The following TFCP2L1 variants were observed in gnomAD, a reference collection of about 807,000 sequenced individuals.
TFCP2L1 encodes the protein transcription factor CP2 like 1, also known as transcription factor CP2-like protein 1.
In TFCP2L1, 12 loss-of-function variants were observed where a neutral mutation model predicts 72.2. The ratio of observed to expected loss-of-function variants is 0.17; its 90% CI spans 0.11 to 0.27. The LOEUF (loss-of-function observed/expected upper bound fraction) is 0.27, where lower values mean the gene tolerates loss of function less well. Ranked by LOEUF, TFCP2L1 falls within the 10% of genes least tolerant of loss-of-function variation. The pLI, the probability that TFCP2L1 is intolerant of heterozygous loss-of-function variation, is 1.00. For missense variants in TFCP2L1, 488 were observed against 624.6 expected, an observed-to-expected ratio of 0.78 and a Z score of 2.33; for synonymous variants, 260 against 251.0, an observed-to-expected ratio of 1.04 and a Z score of -0.34.
rs1558749200 is a variant in TFCP2L1, at chr2:121,281,347, A to G, written c.63-76T>C. The G allele has an allele frequency of 3.4e-6, 5 of 1,489,500 alleles. 1 individual carries two copies. Among genetic ancestry groups the G allele is most frequent in the Non-Finnish European group, 4.5e-6 (5 of 1,120,808 alleles). The allele number at this position is 1,489,500 out of a possible 1,614,324, so 92.3% of individuals were successfully genotyped here. On this transcript the variant is annotated intron_variant, in intron 1 of 14. Coordinates refer to ENST00000263707, the MANE Select transcript of TFCP2L1 (RefSeq NM_014553.3). ...GCACAGAGCCAGGGCGAAGCTAGAG[A>G]GACGACGCAGACCACCGGGGCCCAG... is the stretch of plus-strand genomic sequence containing the variant.
At chr2:121,248,916 A>G in intron 4 of TFCP2L1, 66 bp downstream of exon 4, 3 of 1,321,458 alleles carry the variant, frequency 2.3e-6, no homozygotes, top group Non-Finnish European at 2.1e-6. Flanking sequence ...GGTGGCATCC[A>G]GGAAGAACCC....
At position 121,246,828 on chromosome 2, in the gene TFCP2L1, T is replaced by C. The variant is rs1410313636; in HGVS notation, c.647A>G (p.Lys216Arg). The C allele has an allele frequency of 6.2e-7, 1 of 1,614,172 alleles. No homozygotes were observed. Among genetic ancestry groups the C allele is most frequent in the African/African-American group, 1.3e-5 (1 of 75,038 alleles). The change falls in exon 6 of 15, where the codon AAG becomes AGG. Residue 216 changes from lysine to arginine, a missense_variant. Physicochemically the swap from Lys to Arg is conservative, Grantham distance 26. Transcript: ENST00000263707. ...GCGAAGCCATCCTACCTTGAACACC[T>C]TGATCTGGCAGCTGGCTGAGTGCAG... ...EHLHSASCQI[K>R]VFKPKGADRK... is the part of the protein sequence containing the mutation.
intron 11 of TFCP2L1, among the ~76,000 whole-genome samples, chr2:121,234,609 C>G (rs1452646446): frequency 6.6e-6 from 1 of 152,228 alleles, no homozygotes. Context: ...ACCTAAGAGG[C>G]AGATCTGGGA....
chr2:121,264,485 C>G (rs1686889578), intron 2 of TFCP2L1, among the ~76,000 whole-genome samples: 1 of 152,190 alleles, frequency 6.6e-6, no homozygotes, highest in Admixed American at 6.5e-5. Flanking sequence ...GAGCAGGTGA[C>G]CAAGCCAGAC....
At chr2:121,242,805 CT>C (rs1686406434) in intron 6 of TFCP2L1, among the ~76,000 whole-genome samples, 1 of 152,168 alleles carries the variant, frequency 6.6e-6, no homozygotes, top group Non-Finnish European at 1.5e-5. Flanking sequence ...GTACAGGCTG[CT>C]GGTCTGGATT....
intron 3 of TFCP2L1, 134 bp downstream of exon 3, chr2:121,249,437 C>T (rs781247666): frequency 5.2e-6 from 4 of 766,556 alleles, no homozygotes; most frequent in Non-Finnish European, 8.5e-6. Flanking sequence ...CTGCGTCTCA[C>T]CGTTGAGGGC....
Position 121,274,941 on chromosome 2 carries a change from C to CA in TFCP2L1, c.214+6178dup, listed in dbSNP as rs762343920. Reference sequence around the variant, plus strand: ...GTGAAAGAGCAAGAAGACCCTGTCTCAAAAAAAAAAAAAAATTATTTAATA... The same window carrying CA: ...GTGAAAGAGCAAGAAGACCCTGTCTCAAAAAAAAAAAAAAAATTATTTAATA... On this transcript the variant is annotated intron_variant, in intron 2 of 14. Transcript: ENST00000263707. 7.4e-3 allele frequency among the ~76,000 whole-genome samples: 926 copies of CA among 125,936 alleles called. 2 individuals carry two copies. The highest frequency in any genetic ancestry group is 8.3e-3 in the African/African-American group (280 of 33,778). 82.6% of individuals were successfully genotyped at this position (125,936 alleles called of 152,430 possible).
Position 121,219,124 on chromosome 2 carries a change from C to T in TFCP2L1, c.*5217G>A, listed in dbSNP as rs1685884447. 1 of 152,352 alleles carries T rather than the reference C, an allele frequency of 6.6e-6. No homozygotes were observed. The highest frequency in any genetic ancestry group is 2.4e-5 in the African/African-American group (1 of 41,460). 9.4% of individuals were successfully genotyped at this position (152,352 alleles called of 1,614,324 possible). A position where few individuals can be genotyped will look rare whatever the true frequency, so the allele number is the denominator to read the frequency against. On this transcript the variant is annotated 3_prime_UTR_variant, in exon 15 of 15. Coordinates refer to ENST00000263707, the MANE Select transcript of TFCP2L1 (RefSeq NM_014553.3). ...GGAGACCCGCTCTAGAGACCTTGCC[C>T]TGCTCTGGGGGCCTTGCCCAGTGCC...
At chr2:121,235,187 C>T (rs1573362370) in intron 11 of TFCP2L1, 34 bp downstream of exon 11, 2 of 1,612,530 alleles carry the variant, frequency 1.2e-6, no homozygotes, top group East Asian at 4.5e-5. Context: ...GGACATGAGC[C>T]TCTGGCTGGC....
Position 121,237,661 on chromosome 2 carries a change from C to T in TFCP2L1, c.965G>A (p.Arg322Lys), listed in dbSNP as rs569174375. ...QDAQQWLHRN[R>K]FSQFCRLFAS... ...AAAGAGCCGGCAGAACTGCGAGAAC[C>T]TGTTGCGGTGAAGCCACTGCTGGGC... Residue 322 changes from arginine (R) to lysine (K), a missense_variant, in exon 10 of 15, where the codon AGG becomes AAG. By Grantham distance (26) the Arg-to-Lys change is conservative (BLOSUM62 2). Coordinates refer to ENST00000263707, the MANE Select transcript of TFCP2L1 (RefSeq NM_014553.3). 1 of 1,614,204 alleles carries T rather than the reference C, an allele frequency of 6.2e-7. No individual in the cohort carries two copies. The highest frequency in any genetic ancestry group is 1.3e-5 in the African/African-American group (1 of 75,060).
chr2:121,281,361 AC>A, intron 1 of TFCP2L1, 90 bp from the exon 2 acceptor site: 1 of 1,452,188 alleles, frequency 6.9e-7, no homozygotes. Flanking sequence ...GACGCAGACC[AC>A]CGGGGCCCAG....
At position 121,225,575 on chromosome 2, in the gene TFCP2L1, G is replaced by A; in HGVS notation, c.1380C>T (p.Leu460=). 2 of 1,614,126 alleles carry A rather than the reference G, an allele frequency of 1.2e-6. No homozygotes were observed. Among genetic ancestry groups the A allele is most frequent in the Non-Finnish European group, 1.7e-6 (2 of 1,180,026 alleles). ...GGGAGGCTTCACCTTTAATTGTGCT[G>A]AGGACAAAACAGGATTCATCTTGGA... The part of the protein sequence containing the change: ...QNFQDESCFV[L]STIKAESNDG... The change falls in exon 14 of 15, where the codon CTC becomes CTT. Residue 460 remains leucine (L), a synonymous_variant. Transcript: ENST00000263707.
chr2:121,269,981 A>C (rs2104749781), intron 2 of TFCP2L1, among the ~76,000 whole-genome samples: 1 of 151,446 alleles, frequency 6.6e-6, no homozygotes, highest in South Asian at 2.1e-4. Flanking sequence ...ATGAATGAAA[A>C]AGTGGGAAAA....
At chr2:121,268,607 T>C (rs1187840735) in intron 2 of TFCP2L1, among the ~76,000 whole-genome samples, 1 of 152,014 alleles carries the variant, frequency 6.6e-6, no homozygotes, top group Admixed American at 6.6e-5. Flanking sequence ...CTCCAGGCTA[T>C]ACTGAGGTAA....
chr2:121,228,433 T>C (rs1244467052), intron 13 of TFCP2L1, among the ~76,000 whole-genome samples: 1 of 149,558 alleles, frequency 6.7e-6, no homozygotes, highest in Non-Finnish European at 1.5e-5. Flanking sequence ...AGGCTTCATT[T>C]TCCTCCTCCG....
At chr2:121,239,798 C>T in intron 7 of TFCP2L1, 149 bp from the exon 8 acceptor site, 1 of 838,380 alleles carries the variant, frequency 1.2e-6, no homozygotes, top group Non-Finnish European at 1.8e-6. Flanking sequence ...CCACAGTGAG[C>T]CACGGCAAGG....
chr2:121,280,897 G>A (rs898274888), intron 2 of TFCP2L1, among the ~76,000 whole-genome samples: 6 of 152,006 alleles, frequency 3.9e-5, no homozygotes, highest in African/African-American at 7.3e-5. Context: ...CCTGTTACCC[G>A]CGTGAGGTAT....
At chr2:121,235,726 CTTT>C in intron 10 of TFCP2L1, among the ~76,000 whole-genome samples, 1 of 147,786 alleles carries the variant, frequency 6.8e-6, no homozygotes. Flanking sequence ...GGCCTCTTCT[CTTT>C]TTTTTTTGAC....
intron 2 of TFCP2L1, among the ~76,000 whole-genome samples, chr2:121,271,672 T>C (rs1277818802): frequency 1.3e-5 from 2 of 152,228 alleles, no homozygotes; most frequent in Non-Finnish European, 1.5e-5. Context: ...GTACTTATTG[T>C]TTGCCAGGTA....
Sources: allele counts gnomAD v4.1 joint callset (sites outside exome capture counted in the v4.1 genomes callset), GRCh38; gene constraint gnomAD v4.1.1; transcripts MANE v1.5; gene names NCBI Gene and HGNC (gene_info 2026-07-23, HGNC 2026-07-21).